Variants in NTMT2 observed in about 807,000 individuals in gnomAD.
NTMT2 encodes the protein X-Pro-Lys N-terminal protein methyltransferase 1B.
Under a neutral mutation model 23.4 loss-of-function variants are expected in NTMT2, and 21 were observed. That is an observed-to-expected ratio of 0.90 (90% CI 0.64 to 1.29). The LOEUF is 1.29. Ranked by LOEUF, NTMT2 falls within the 50% of genes most tolerant of loss-of-function variation. NTMT2 has a pLI of 0.00. For missense variants in NTMT2, 336 were observed against 352.0 expected (o/e 0.95, Z 0.36); for synonymous variants, 131 against 127.7 (o/e 1.03, Z -0.17).
At chr1:170,151,891 C>T (rs1029589201) in intron 1 of NTMT2, among the ~76,000 whole-genome samples, 1 of 152,078 alleles carries the variant, frequency 6.6e-6, no homozygotes, top group African/African-American at 2.4e-5. Flanking sequence ...AAATGTTTTG[C>T]ATAAGTATTA....
At chr1:170,161,302 A>T (rs1278553286) in intron 2 of NTMT2, among the ~76,000 whole-genome samples, 1 of 152,182 alleles carries the variant, frequency 6.6e-6, no homozygotes, top group Non-Finnish European at 1.5e-5. Flanking sequence ...CGTCTAAAAA[A>T]AAAAAAAAAG....
At position 170,148,969 on chromosome 1, in the gene NTMT2, A is replaced by G. The variant is rs151255329; in HGVS notation, c.154+2708A>G. On this transcript the variant is annotated intron_variant, in intron 1 of 3. Transcript: ENST00000439373. ...TGGGCAATATGAAGGGAGCACATATATATTTGTTCACTAGAAAATGTTTCT... is the reference window on the plus strand; with the variant it reads ...TGGGCAATATGAAGGGAGCACATATGTATTTGTTCACTAGAAAATGTTTCT... 3.4e-3 allele frequency among the ~76,000 whole-genome samples: 519 copies of G among 152,308 alleles called. 5 individuals carry two copies. Among genetic ancestry groups the G allele is most frequent in the African/African-American group, 0.012 (501 of 41,566 alleles).
At chr1:170,162,025 G>T (rs1673283459) in intron 2 of NTMT2, among the ~76,000 whole-genome samples, 1 of 152,234 alleles carries the variant, frequency 6.6e-6, no homozygotes, top group Non-Finnish European at 1.5e-5. Context: ...AGGAGGCGGA[G>T]ATTGCAGTGA....
At position 170,160,678 on chromosome 1, in the gene NTMT2, T is replaced by C. The variant is rs940981753; in HGVS notation, c.315T>C (p.Leu105=). The C allele has an allele frequency of 1.3e-5, 20 of 1,525,708 alleles. No homozygotes were observed. Among genetic ancestry groups the C allele is most frequent in the Middle Eastern group, 3.4e-4 (2 of 5,872 alleles). 94.5% of individuals were successfully genotyped at this position (1,525,708 alleles called of 1,614,324 possible). Residue 105 remains leucine, a synonymous_variant, in exon 2 of 4, where the codon CTT becomes CTC. Coordinates refer to ENST00000439373, the MANE Select transcript of NTMT2 (RefSeq NM_001136107.2). ...SPDIQASQKF[L]RKFVGGPGRA... is the part of the protein sequence containing the mutation. The stretch of plus-strand genomic sequence containing the variant: ...ACATCCAGGCCTCTCAGAAATTTCT[T>C]AGGAAATTTGTTGGGGTGAGTTATT...
intron 2 of NTMT2, among the ~76,000 whole-genome samples, chr1:170,162,626 G>T (rs7544677): frequency 0.33 from 50,314 of 152,078 alleles, 9,213 homozygotes; most frequent in African/African-American, 0.48. Context: ...TAGAAGCGTT[G>T]TCTCATTTAC....
At chr1:170,162,442 A>G (rs1435879278) in intron 2 of NTMT2, among the ~76,000 whole-genome samples, 1 of 152,214 alleles carries the variant, frequency 6.6e-6, no homozygotes, top group African/African-American at 2.4e-5. Context: ...AGGATGATGT[A>G]TTTACTGGGG....
Position 170,160,551 on chromosome 1 carries a change from A to G in NTMT2, c.188A>G (p.Asn63Ser), listed in dbSNP as rs1367698121. Reference protein sequence around the residue: ...KLYALTSQVINGEMQFYARAK... With the variant: ...KLYALTSQVISGEMQFYARAK... The stretch of plus-strand genomic sequence containing the variant: ...TACGCTTTAACAAGCCAAGTCATCA[A>G]TGGTGAGATGCAGTTCTATGCCAGA... Residue 63 changes from asparagine to serine, a missense_variant, in exon 2 of 4, where the codon AAT (asparagine) becomes AGT (serine). Asn to Ser is a conservative substitution (Grantham distance 46, BLOSUM62 1). Coordinates refer to ENST00000439373, the MANE Select transcript of NTMT2 (RefSeq NM_001136107.2). 1.3e-6 allele frequency: 2 copies of G among 1,547,296 alleles called. No homozygotes were observed. The highest frequency in any genetic ancestry group is 2.4e-5 in the South Asian group (2 of 82,624).
chr1:170,150,581 A>G (rs1673049408), intron 1 of NTMT2, among the ~76,000 whole-genome samples: 1 of 152,206 alleles, frequency 6.6e-6, no homozygotes, highest in Admixed American at 6.5e-5. Flanking sequence ...TTAAACCACT[A>G]CATAATACAA....
At chr1:170,152,520 A>G (rs1673089587) in intron 1 of NTMT2, among the ~76,000 whole-genome samples, 3 of 152,182 alleles carry the variant, frequency 2.0e-5, no homozygotes, top group African/African-American at 7.2e-5. Flanking sequence ...TGAAAAGAAA[A>G]AAGCCCCACA....
chr1:170,148,928 A>C (rs1291063708), intron 1 of NTMT2, among the ~76,000 whole-genome samples: 1 of 152,214 alleles, frequency 6.6e-6, no homozygotes, highest in Non-Finnish European at 1.5e-5. Flanking sequence ...TTCATTGTCC[A>C]GAACTACAAG....
intron 2 of NTMT2, among the ~76,000 whole-genome samples, chr1:170,161,156 G>T (rs996515776): frequency 2.0e-5 from 3 of 152,106 alleles, no homozygotes; most frequent in Admixed American, 2.0e-4. Flanking sequence ...AAAATTAGCT[G>T]GGCGTGGTGG....
At chr1:170,156,854 G>A (rs1020036617) in intron 1 of NTMT2, among the ~76,000 whole-genome samples, 1 of 152,026 alleles carries the variant, frequency 6.6e-6, no homozygotes, top group African/African-American at 2.4e-5. Context: ...TGGTCTAAAT[G>A]TTGCTGGCAT....
In NTMT2 at chr1:170,146,255, C is replaced by A. The variant is rs933284254; in HGVS notation, c.148C>A (p.Pro50Thr). ...QSYLYLLEKI[P>T]LVKLYALTSQ... is the part of the protein sequence containing the mutation. ...CTATCTCTACCTGCTGGAAAAAATT[C>A]CCCTGGGTAAGTGAGTCAGAGCTAC... Residue 50 changes from proline (P) to threonine (T), a missense_variant, in exon 1 of 4, where the codon CCC becomes ACC. Physicochemically the swap from Pro to Thr is conservative, Grantham distance 38. Coordinates refer to ENST00000439373, the MANE Select transcript of NTMT2 (RefSeq NM_001136107.2). The A allele has an allele frequency of 1.2e-5, 18 of 1,549,396 alleles. No individual in the cohort carries two copies. Among genetic ancestry groups the A allele is most frequent in the Non-Finnish European group, 1.6e-5 (18 of 1,146,444 alleles).
intron 1 of NTMT2, among the ~76,000 whole-genome samples, chr1:170,146,537 G>A (rs972267592): frequency 1.3e-5 from 2 of 152,064 alleles, no homozygotes; most frequent in African/African-American, 4.8e-5. Flanking sequence ...ATGAGTATCA[G>A]GCTTGTAGAA....
chr1:170,146,119 G>A lies in NTMT2; in HGVS notation c.12G>A (p.Arg4=), dbSNP rs1362909686. 1.4e-5 allele frequency: 22 copies of A among 1,551,046 alleles called. No individual in the cohort carries two copies. Among genetic ancestry groups the A allele is most frequent in the Non-Finnish European group, 1.8e-5 (21 of 1,146,742 alleles). MAH[R]GAHFAFRSRW... ...TATCCCCCTTTGTCATGGCCCACCG[G>A]GGAGCCCATTTTGCCTTTAGATCCC... Residue 4 remains arginine, a synonymous_variant, in exon 1 of 4, where the codon CGG becomes CGA. Coordinates refer to ENST00000439373, the MANE Select transcript of NTMT2 (RefSeq NM_001136107.2).
In NTMT2 at chr1:170,166,697, G is replaced by A. The variant is rs1673398699; in HGVS notation, c.526G>A (p.Glu176Lys). 6.4e-7 allele frequency: 1 copy of A among 1,552,270 alleles called. No individual in the cohort carries two copies. The highest frequency in any genetic ancestry group is 8.7e-7 in the Non-Finnish European group (1 of 1,147,112). ...AAGCTACCACTGCTACAGCCTGCAG[G>A]AATTCACACCCCCCTTCAGGAGATA... ...VESYHCYSLQ[E>K]FTPPFRRYDV... Residue 176 changes from glutamate (E) to lysine (K), a missense_variant, in exon 3 of 4, where the codon GAA (glutamate) becomes AAA (lysine). Physicochemically the swap from Glu to Lys is moderately conservative, Grantham distance 56. Transcript: ENST00000439373.
At chr1:170,162,630 C>T (rs944659315) in intron 2 of NTMT2, among the ~76,000 whole-genome samples, 3 of 152,200 alleles carry the variant, frequency 2.0e-5, no homozygotes, top group African/African-American at 7.2e-5. Flanking sequence ...AGCGTTGTCT[C>T]ATTTACTCTT....
chr1:170,153,413 G>A (rs1673107110), intron 1 of NTMT2, among the ~76,000 whole-genome samples: 1 of 152,208 alleles, frequency 6.6e-6, no homozygotes, highest in Admixed American at 6.5e-5. Context: ...GGAAAAGTTT[G>A]GAACTTCTAA....
At chr1:170,150,266 G>A (rs967869162) in intron 1 of NTMT2, among the ~76,000 whole-genome samples, 1 of 152,194 alleles carries the variant, frequency 6.6e-6, no homozygotes, top group Non-Finnish European at 1.5e-5. Flanking sequence ...TCCCTGGCAA[G>A]CTTCAGAGAT....
Sources: gnomAD v4.1 joint callset for allele counts (sites outside exome capture counted in the v4.1 genomes callset) on GRCh38, gnomAD v4.1.1 for gene constraint, MANE v1.5 for transcripts, NCBI Gene and HGNC (gene_info 2026-07-23, HGNC 2026-07-21) for gene names.